Variants in PCDH7 observed in about 807,000 individuals in gnomAD.
PCDH7 encodes protocadherin 7, also known as protocadherin-7.
Under a neutral mutation model 58.9 loss-of-function variants are expected in PCDH7, and 17 were observed. The ratio of observed to expected loss-of-function variants is 0.29; its 90% confidence interval spans 0.20 to 0.43. The LOEUF is 0.43. Ranked by LOEUF, PCDH7 falls within the 20% of genes least tolerant of loss-of-function variation. The probability of loss-of-function intolerance (pLI) is 1.00; values close to 1 mark genes in which losing one functional copy is unlikely to be tolerated. For synonymous variants in PCDH7, 664 were observed against 616.4 expected, an observed-to-expected ratio of 1.08 and a Z score of -1.14; for missense variants, 1,274 against 1,441.0, an observed-to-expected ratio of 0.88 and a Z score of 1.88.
intron 3 of PCDH7, among the ~76,000 whole-genome samples, chr4:31,040,197 G>A (rs1405952796): frequency 5.3e-5 from 8 of 152,258 alleles, no homozygotes; most frequent in Non-Finnish European, 7.4e-5. Flanking sequence ...CTCCAATCAG[G>A]ATATAGAATA....
In PCDH7 at chr4:31,128,166, G is replaced by T. The variant is rs141736247; in HGVS notation, c.*8-14307G>T. ...ATATATACACACACACACACACACGGACACACATATAAAAGTCTGAAACAA... is the reference window on the plus strand; with the variant it reads ...ATATATACACACACACACACACACGTACACACATATAAAAGTCTGAAACAA... On this transcript the variant is annotated intron_variant, in intron 3 of 3. Coordinates refer to the PCDH7 transcript ENST00000509759. Among the ~76,000 whole-genome samples the T allele has an allele frequency of 2.7e-5, 4 of 150,882 alleles. No individual in the cohort carries two copies. In the South Asian group the frequency reaches 8.4e-4, roughly 32 times the overall value.
chr4:30,720,499 C>G lies in PCDH7; in HGVS notation c.-924C>G, dbSNP rs1318339192. On this transcript the variant is annotated 5_prime_UTR_variant, in exon 1 of 2. Transcript: ENST00000361762. This position sits in a 1 kb window ranked among gnomAD's most constrained non-coding sequence, Gnocchi z 4.7. ...CGGTGCGCACTGCTCAGCCTTCGCC[C>G]CCGTGGGCGAAAGGCTGCTGCGGTT... The G allele has an allele frequency of 6.5e-6, 1 of 152,680 alleles. No individual in the cohort carries two copies. Among genetic ancestry groups the G allele is most frequent in the Non-Finnish European group, 1.5e-5 (1 of 68,058 alleles). 9.5% of individuals were successfully genotyped at this position (152,680 alleles called of 1,614,324 possible).
chr4:31,137,027 G>C (rs755898241), intron 3 of PCDH7, among the ~76,000 whole-genome samples: 5 of 152,148 alleles, frequency 3.3e-5, no homozygotes, highest in Non-Finnish European at 7.3e-5. Flanking sequence ...TTAGACTAAT[G>C]ACAGTGAAGG....
chr4:30,800,075 G>A (rs754109190), intron 1 of PCDH7, among the ~76,000 whole-genome samples: 1 of 151,494 alleles, frequency 6.6e-6, no homozygotes, highest in South Asian at 2.1e-4. Context: ...GGGCAGACCG[G>A]TCTCGAACTC....
intron 3 of PCDH7, among the ~76,000 whole-genome samples, chr4:31,002,215 G>T (rs1323090872): frequency 2.0e-5 from 3 of 152,152 alleles, no homozygotes; most frequent in African/African-American, 7.2e-5. Flanking sequence ...ATTGATTTGA[G>T]TAAAAATGTA....
At chr4:31,022,178 T>C (rs1043455463) in intron 3 of PCDH7, among the ~76,000 whole-genome samples, 3 of 152,164 alleles carry the variant, frequency 2.0e-5, no homozygotes, top group Non-Finnish European at 4.4e-5. Context: ...TTGCAACAGA[T>C]TGTATGAGAG....
At chr4:30,823,710 A>C (rs1728657920) in intron 1 of PCDH7, among the ~76,000 whole-genome samples, 1 of 152,144 alleles carries the variant, frequency 6.6e-6, no homozygotes, top group Admixed American at 6.6e-5. Flanking sequence ...TAATATCAAG[A>C]GCTAGGATCT....
intron 2 of PCDH7, among the ~76,000 whole-genome samples, chr4:30,946,727 T>TGTGTGTGTGTGTGA (rs1048658000): frequency 1.3e-5 from 2 of 149,986 alleles, no homozygotes; most frequent in African/African-American, 5.0e-5. Context: ...TGTGTGTGTG[T>TGTGTGTGTGTGTGA]GACAGAGTCC....
chr4:31,053,152 A>C (rs976038779), intron 3 of PCDH7, among the ~76,000 whole-genome samples: 1 of 152,176 alleles, frequency 6.6e-6, no homozygotes, highest in Non-Finnish European at 1.5e-5. Context: ...TAAAAGCAAA[A>C]GCTTGTCTTC....
chr4:30,861,555 A>G (rs999204782), intron 1 of PCDH7, among the ~76,000 whole-genome samples: 1 of 152,158 alleles, frequency 6.6e-6, no homozygotes, highest in Non-Finnish European at 1.5e-5. Flanking sequence ...TAGGATAGAT[A>G]ATTTTTAACT....
At chr4:30,964,246 A>T (rs199551139) in intron 3 of PCDH7, among the ~76,000 whole-genome samples, 12,576 of 48,658 alleles carry the variant, frequency 0.26, 770 homozygotes, top group South Asian at 0.36. Flanking sequence ...TTATTTATTT[A>T]TTTATTTTTT....
At chr4:30,836,241 A>G (rs1031557706) in intron 1 of PCDH7, among the ~76,000 whole-genome samples, 2 of 152,222 alleles carry the variant, frequency 1.3e-5, no homozygotes, top group Admixed American at 6.5e-5. Context: ...AATAAACAAG[A>G]TAAATAAGAT....
intron 3 of PCDH7, among the ~76,000 whole-genome samples, chr4:31,135,975 A>T (rs915957118): frequency 6.6e-6 from 1 of 152,226 alleles, no homozygotes; most frequent in Admixed American, 6.5e-5. Context: ...ATATTAACAC[A>T]TTCAATTCTC....
chr4:30,883,286 A>G (rs757027556), intron 1 of PCDH7, among the ~76,000 whole-genome samples: 12 of 152,216 alleles, frequency 7.9e-5, no homozygotes, highest in Non-Finnish European at 1.8e-4. Context: ...TAGTGATGGT[A>G]TAACCATTAC....
At chr4:30,809,586 A>T (rs774749927) in intron 1 of PCDH7, among the ~76,000 whole-genome samples, 2 of 152,212 alleles carry the variant, frequency 1.3e-5, no homozygotes, top group East Asian at 3.9e-4. Flanking sequence ...CTGAAATAGG[A>T]CAACAATGAT....
At chr4:30,895,047 T>C (rs1258906714) in intron 1 of PCDH7, among the ~76,000 whole-genome samples, 1 of 151,878 alleles carries the variant, frequency 6.6e-6, no homozygotes, top group Non-Finnish European at 1.5e-5. Context: ...AAGGGTGGCA[T>C]CTATCCTTTC....
At chr4:30,857,596 C>G (rs964977674) in intron 1 of PCDH7, among the ~76,000 whole-genome samples, 1 of 152,076 alleles carries the variant, frequency 6.6e-6, no homozygotes, top group East Asian at 1.9e-4. Flanking sequence ...GGAGCCCAGA[C>G]TCCTCATTTT....
chr4:30,957,640 A>G (rs1047264216), intron 3 of PCDH7, among the ~76,000 whole-genome samples: 1 of 152,136 alleles, frequency 6.6e-6, no homozygotes, highest in African/African-American at 2.4e-5. Context: ...TTGTTCCCCA[A>G]TAAGGCACTA....
chr4:30,893,380 C>A (rs766512721), intron 1 of PCDH7, among the ~76,000 whole-genome samples: 1 of 152,004 alleles, frequency 6.6e-6, no homozygotes, highest in African/African-American at 2.4e-5. Context: ...AGAGAAGTTA[C>A]AGAACTATAT....
Sources: gnomAD v4.1 joint callset for allele counts (sites outside exome capture counted in the v4.1 genomes callset) on GRCh38, gnomAD v4.1.1 for gene constraint, Gnocchi (gnomAD v3.1) non-coding constraint, MANE v1.5 for transcripts, NCBI Gene and HGNC (gene_info 2026-07-23, HGNC 2026-07-21) for gene names.